The following CDC42BPB variants were observed in gnomAD, a reference collection of about 807,000 sequenced individuals.
CDC42BPB encodes the protein serine/threonine-protein kinase MRCK beta.
CDC42BPB carries 37 observed loss-of-function variants against 214.9 expected under a neutral mutation model. That is an observed-to-expected ratio of 0.17 (90% CI 0.13 to 0.23). CDC42BPB has a LOEUF of 0.23. CDC42BPB is among the 10% of genes least tolerant of loss of function. The pLI is 1.00. For missense variants in CDC42BPB, 1,694 were observed against 2,227.0 expected (o/e 0.76, Z 4.82); for synonymous variants, 931 against 884.0 (o/e 1.05, Z -0.94).
chr14:103,003,844 TTGTC>T, intron 4 of CDC42BPB, 80 bp downstream of exon 4: 1 of 1,104,636 alleles, frequency 9.1e-7, no homozygotes, highest in South Asian at 1.5e-5. Context: ...CAGTTCCACA[TTGTC>T]TGACTGAATT....
chr14:102,971,933 T>G lies in CDC42BPB; in HGVS notation c.1870A>C (p.Lys624Gln). Residue 624 changes from lysine (K) to glutamine (Q), a missense_variant, in exon 13 of 37, where the codon AAG becomes CAG. By Grantham distance (53) the Lys-to-Gln change is moderately conservative (BLOSUM62 1). This residue lies in a region of CDC42BPB where 462 missense variants were observed against 513.5 expected (regional missense o/e 0.90). Coordinates refer to ENST00000361246, the MANE Select transcript of CDC42BPB (RefSeq NM_006035.4). ...AMRQEMRRAE[K>Q]LRKELEAQLD... ...TCCACAGCTACCTCTTTCCTGAGCT[T>G]CTCAGCTCTCCGCATTTCCTGCCGC... 3 of 1,614,194 alleles carry G rather than the reference T, an allele frequency of 1.9e-6. No homozygotes were observed. The highest frequency in any genetic ancestry group is 2.5e-6 in the Non-Finnish European group (3 of 1,180,034).
intron 23 of CDC42BPB, among the ~76,000 whole-genome samples, chr14:102,953,156 G>A (rs947491302): frequency 1.3e-5 from 2 of 152,264 alleles, no homozygotes; most frequent in African/African-American, 2.4e-5. Context: ...TGCAGGCCAT[G>A]CGGGACCGCC....
At chr14:103,024,349 C>A (rs1351023809) in intron 1 of CDC42BPB, among the ~76,000 whole-genome samples, 1 of 152,296 alleles carries the variant, frequency 6.6e-6, no homozygotes, top group East Asian at 1.9e-4. Context: ...TAATACACTT[C>A]TAGAAGACAG....
At chr14:102,952,828 T>G (rs1001616557) in intron 23 of CDC42BPB, 1 of 700,880 alleles carries the variant, frequency 1.4e-6, no homozygotes, top group African/African-American at 1.9e-5. Flanking sequence ...CTTCCTTCAG[T>G]GGGAGAGCAC....
Position 102,971,858 on chromosome 14 carries a change from G to A in CDC42BPB, c.1884+61C>T, listed in dbSNP as rs560152844. ...TAATGCAGCCCAAGATTTCAAAGACGTTTTATAAAAGTCACACAAATGTCC... is the reference window on the plus strand; with the variant it reads ...TAATGCAGCCCAAGATTTCAAAGACATTTTATAAAAGTCACACAAATGTCC... On this transcript the variant is annotated intron_variant, in intron 13 of 36. Transcript: ENST00000361246. 2.3e-5 allele frequency: 35 copies of A among 1,537,794 alleles called. No homozygotes were observed. The African/African-American group carries it at 3.1e-4, about 14-fold the overall frequency.
At chr14:102,988,106 T>C (rs1045188713) in intron 5 of CDC42BPB, among the ~76,000 whole-genome samples, 2 of 152,008 alleles carry the variant, frequency 1.3e-5, no homozygotes, top group African/African-American at 4.8e-5. Context: ...AATGAAATTA[T>C]AAGAGGACCA....
At position 102,932,421 on chromosome 14, in the gene CDC42BPB, T is replaced by C. The variant is rs1370470407; in HGVS notation, c.*1291A>G. The C allele has an allele frequency of 6.6e-6, 1 of 152,300 alleles. No individual in the cohort carries two copies. The highest frequency in any genetic ancestry group is 2.4e-5 in the African/African-American group (1 of 41,428). The allele number at this position is 152,300 out of a possible 1,614,324, so 9.4% of individuals were successfully genotyped here. On this transcript the variant is annotated 3_prime_UTR_variant, in exon 37 of 37. Coordinates refer to ENST00000361246, the MANE Select transcript of CDC42BPB (RefSeq NM_006035.4). ...TCTTCTGCTTTATTGACAGGTAAAT[T>C]GTTCAAAAATGTTCTCACAATTCAA...
chr14:102,953,928 A>T (rs972479913), intron 23 of CDC42BPB, among the ~76,000 whole-genome samples: 1 of 152,232 alleles, frequency 6.6e-6, no homozygotes, highest in African/African-American at 2.4e-5. Context: ...GAATGAGAGA[A>T]GGAGAGTGGG....
In CDC42BPB at chr14:102,966,161, G is replaced by A. The variant is rs1326982619; in HGVS notation, c.2577+121C>T. On this transcript the variant is annotated intron_variant, in intron 18 of 36. Coordinates refer to ENST00000361246, the MANE Select transcript of CDC42BPB (RefSeq NM_006035.4). ...TGGCGTTCCTTAAATTGGGGAACTG[G>A]TTACACAGAAGTCTCTTGCATCACT... 3 of 681,008 alleles carry A rather than the reference G, an allele frequency of 4.4e-6. No homozygotes were observed. The African/African-American group carries it at 5.5e-5, about 12-fold the overall frequency. The allele number at this position is 681,008 out of a possible 1,614,324, so 42.2% of individuals were successfully genotyped here.
intron 36 of CDC42BPB, among the ~76,000 whole-genome samples, chr14:102,936,602 G>A (rs761058521): frequency 6.7e-4 from 102 of 152,264 alleles, no homozygotes; most frequent in Non-Finnish European, 1.3e-3. Flanking sequence ...AGGGGAGGGA[G>A]GGACGGGGAG....
chr14:103,025,916 C>T (rs1485498281), intron 1 of CDC42BPB, among the ~76,000 whole-genome samples: 1 of 151,940 alleles, frequency 6.6e-6, no homozygotes, highest in East Asian at 1.9e-4. Flanking sequence ...GATTCCATTA[C>T]ATGAGACTCA....
rs1424486232 is a variant in CDC42BPB at position 102,980,868 on chromosome 14, T to G, written c.1045A>C (p.Asn349His). The change falls in exon 8 of 37, where the codon AAT becomes CAT. Residue 349 changes from asparagine (N) to histidine (H), a missense_variant. By Grantham distance (68) the Asn-to-His change is moderately conservative. Around this residue, in one of 7 missense-constraint regions of CDC42BPB, gnomAD observed 225 missense variants for 459.3 expected, o/e 0.49. Transcript: ENST00000361246. The part of the protein sequence containing the change: ...HAFFEGLNWE[N>H]IRNLEAPYIP... Reference sequence around the variant, plus strand: ...TAAGGTGCTTCTAGGTTTCGTATATTTTCCCAATTTAGACCTTCAAAAAAC... The same window carrying G: ...TAAGGTGCTTCTAGGTTTCGTATATGTTCCCAATTTAGACCTTCAAAAAAC... 1.2e-6 allele frequency: 2 copies of G among 1,614,106 alleles called. No individual in the cohort carries two copies. Among genetic ancestry groups the G allele is most frequent in the African/African-American group, 1.3e-5 (1 of 74,928 alleles).
At chr14:102,993,501 AAGAG>A (rs912630755) in intron 5 of CDC42BPB, among the ~76,000 whole-genome samples, 10 of 152,050 alleles carry the variant, frequency 6.6e-5, no homozygotes, top group African/African-American at 2.2e-4. Flanking sequence ...GAAAGGCAGA[AAGAG>A]AGAGGGAGAG....
rs557087420 is a variant in CDC42BPB, at chr14:102,949,031, G to A, written c.3449+734C>T. On this transcript the variant is annotated intron_variant, in intron 26 of 36. Coordinates refer to ENST00000361246, the MANE Select transcript of CDC42BPB (RefSeq NM_006035.4). ...TGCTACAGATGGAGTACCCAGCCCC[G>A]GCCTGAGCCCAGAGCAGTCCCGTGT... Among the ~76,000 whole-genome samples, 5 of 152,262 alleles carry A rather than the reference G, an allele frequency of 3.3e-5. No homozygotes were observed. In the East Asian group the frequency reaches 9.7e-4, roughly 29 times the overall value.
rs750702678 is a variant in CDC42BPB, at chr14:103,008,440, C to T, written c.351+32G>A. On this transcript the variant is annotated intron_variant, in intron 3 of 36. Coordinates refer to ENST00000361246, the MANE Select transcript of CDC42BPB (RefSeq NM_006035.4). ...GTCACTTTCTGCTCACCCCAAGCCCCATTTGTATGGCTTTTCAAGCTCCAT... is the reference window on the plus strand; with the variant it reads ...GTCACTTTCTGCTCACCCCAAGCCCTATTTGTATGGCTTTTCAAGCTCCAT... 160 of 1,399,150 alleles carry T rather than the reference C, an allele frequency of 1.1e-4. 2 individuals carry two copies. Among genetic ancestry groups the T allele is most frequent in the Non-Finnish European group, 1.5e-5 (15 of 983,760 alleles). The allele number at this position is 1,399,150 out of a possible 1,614,324, so 86.7% of individuals were successfully genotyped here. A position where few individuals can be genotyped will look rare whatever the true frequency, so the allele number is the denominator to read the frequency against.
At chr14:102,985,348 T>G (rs35744946) in intron 6 of CDC42BPB, among the ~76,000 whole-genome samples, 5,663 of 148,354 alleles carry the variant, frequency 0.038, 365 homozygotes, top group African/African-American at 0.13. Context: ...CAGGGTGGTG[T>G]GGAGGTGAGG....
At chr14:103,040,382 AT>A (rs1397900879) in intron 1 of CDC42BPB, among the ~76,000 whole-genome samples, 3 of 151,760 alleles carry the variant, frequency 2.0e-5, no homozygotes, top group Admixed American at 2.0e-4. Flanking sequence ...AGCAAACTTT[AT>A]GTATTTTTAC....
intron 30 of CDC42BPB, among the ~76,000 whole-genome samples, chr14:102,942,473 C>T (rs186968692): frequency 5.5e-4 from 84 of 152,368 alleles, no homozygotes; most frequent in Middle Eastern, 3.4e-3. Flanking sequence ...GTCTTCCTCC[C>T]GGCCTCCTCT....
At position 102,933,704 on chromosome 14, in the gene CDC42BPB, T is replaced by C. The variant is rs970445027; in HGVS notation, c.*8A>G. ...CAGCTCCCTGGCCCCTGTGGCGAGC[T>C]GGCGGCTTCAGGTGTCACAGGCCGG... On this transcript the variant is annotated 3_prime_UTR_variant, in exon 37 of 37. Coordinates refer to ENST00000361246, the MANE Select transcript of CDC42BPB (RefSeq NM_006035.4). 2.7e-5 allele frequency: 39 copies of C among 1,457,048 alleles called. No individual in the cohort carries two copies. Among genetic ancestry groups the C allele is most frequent in the Non-Finnish European group, 3.0e-5 (34 of 1,118,536 alleles). The allele number at this position is 1,457,048 out of a possible 1,614,324, so 90.3% of individuals were successfully genotyped here.
Sources: allele counts gnomAD v4.1 joint callset (sites outside exome capture counted in the v4.1 genomes callset), GRCh38; gene constraint gnomAD v4.1.1; regional missense constraint gnomAD v4.1.1; transcripts MANE v1.5; gene names NCBI Gene and HGNC (gene_info 2026-07-23, HGNC 2026-07-21).